Variants in ITPR2 observed in about 807,000 individuals in gnomAD.
ITPR2 encodes the protein inositol 1,4,5-trisphosphate-gated calcium channel ITPR2.
A neutral mutation model predicts 317.1 loss-of-function variants in ITPR2; 207 were observed. The ratio of observed to expected loss-of-function variants is 0.65; its 90% confidence interval spans 0.58 to 0.73. ITPR2 has a LOEUF of 0.73. Ranked by LOEUF, ITPR2 falls within the 30% of genes least tolerant of loss-of-function variation. The pLI is 0.00. For missense variants in ITPR2, 2,613 were observed against 3,284.0 expected (o/e 0.80, Z 4.99); for synonymous variants, 1,156 against 1,149.1 (o/e 1.01, Z -0.12).
chr12:26,359,044 T>C (rs1938734447), intron 55 of ITPR2, among the ~76,000 whole-genome samples: 1 of 152,250 alleles, frequency 6.6e-6, no homozygotes, highest in South Asian at 2.1e-4. Flanking sequence ...TTAGCTGACA[T>C]TGCCTACATC....
intron 48 of ITPR2, among the ~76,000 whole-genome samples, chr12:26,428,502 T>C (rs1941125145): frequency 2.0e-5 from 3 of 152,170 alleles, no homozygotes. Context: ...GTCCTATCAG[T>C]ATCAAGTTTC....
intron 51 of ITPR2, among the ~76,000 whole-genome samples, chr12:26,414,226 G>C (rs1940650241): frequency 6.6e-6 from 1 of 152,100 alleles, no homozygotes; most frequent in Admixed American, 6.6e-5. Context: ...ATTCAGGACA[G>C]TCTCAAGTTT....
At chr12:26,784,272 CCT>C (rs1371979478) in intron 2 of ITPR2, among the ~76,000 whole-genome samples, 3 of 7,082 alleles carry the variant, frequency 4.2e-4, no homozygotes, top group East Asian at 4.8e-3. Flanking sequence ...TCTCCCTCTC[CCT>C]CTCCCTCTCC....
chr12:26,703,197 A>G (rs577587922), intron 9 of ITPR2, among the ~76,000 whole-genome samples: 1 of 152,346 alleles, frequency 6.6e-6, no homozygotes, highest in East Asian at 1.9e-4. Context: ...TGTGAGACTT[A>G]GCATGGTCAC....
intron 45 of ITPR2, among the ~76,000 whole-genome samples, chr12:26,455,344 TAAAAA>T (rs10687003): frequency 3.0e-5 from 2 of 66,358 alleles, no homozygotes; most frequent in African/African-American, 5.9e-5. Context: ...CAACAGCTGC[TAAAAA>T]AAAAAAAAAA....
At chr12:26,549,253 A>G (rs1048667777) in intron 37 of ITPR2, among the ~76,000 whole-genome samples, 3 of 152,220 alleles carry the variant, frequency 2.0e-5, no homozygotes, top group Non-Finnish European at 4.4e-5. Flanking sequence ...TTCCAAATAT[A>G]ATTTAAGTGA....
At chr12:26,520,203 C>T (rs1296846347) in intron 37 of ITPR2, among the ~76,000 whole-genome samples, 1 of 152,140 alleles carries the variant, frequency 6.6e-6, no homozygotes, top group Non-Finnish European at 1.5e-5. Context: ...CTCCAAACTC[C>T]CCCTTGTGAT....
chr12:26,390,283 A>G (rs1939792896), intron 54 of ITPR2, among the ~76,000 whole-genome samples: 1 of 152,218 alleles, frequency 6.6e-6, no homozygotes, highest in African/African-American at 2.4e-5. Flanking sequence ...AGAACTGAAA[A>G]TGTATGTTCA....
chr12:26,637,846 G>C (rs1946897418), intron 21 of ITPR2, among the ~76,000 whole-genome samples: 2 of 152,126 alleles, frequency 1.3e-5, no homozygotes, highest in Non-Finnish European at 2.9e-5. Flanking sequence ...CTTCAGAAGA[G>C]TGTTTAATAA....
chr12:26,391,555 C>CTTTT (rs1491173931), intron 54 of ITPR2, among the ~76,000 whole-genome samples: 1,082 of 70,800 alleles, frequency 0.015, 201 homozygotes, highest in Non-Finnish European at 0.016. Context: ...TTCTTCTTTT[C>CTTTT]CTTTTTTTTT....
At chr12:26,367,958 T>C (rs1378058317) in intron 55 of ITPR2, among the ~76,000 whole-genome samples, 1 of 152,222 alleles carries the variant, frequency 6.6e-6, no homozygotes, top group Non-Finnish European at 1.5e-5. Context: ...ACATTTTCTT[T>C]GTGATTTTCC....
At chr12:26,416,642 G>C (rs141550946) in intron 50 of ITPR2, among the ~76,000 whole-genome samples, 3 of 152,072 alleles carry the variant, frequency 2.0e-5, no homozygotes, top group African/African-American at 7.2e-5. Context: ...GCTATTTTAC[G>C]ATGGTTAAAT....
In ITPR2 at chr12:26,512,184, T is replaced by TAA. The variant is rs55699727; in HGVS notation, c.5074-16926_5074-16925dup. Reference sequence around the variant, plus strand: ...TTCCTAAATAAGATAGCTACAAAGATAAAAAAAAAAAAAAAAAAAGCTGCA... The same window carrying TAA: ...TTCCTAAATAAGATAGCTACAAAGATAAAAAAAAAAAAAAAAAAAAAGCTGCA... On this transcript the variant is annotated intron_variant, in intron 37 of 56. Transcript: ENST00000381340. Among the ~76,000 whole-genome samples, 942 of 136,216 alleles carry TAA rather than the reference T, an allele frequency of 6.9e-3. 15 individuals carry two copies. Among genetic ancestry groups the TAA allele is most frequent in the East Asian group, 0.05 (225 of 4,512 alleles). 89.4% of individuals were successfully genotyped at this position (136,216 alleles called of 152,430 possible).
chr12:26,523,150 T>C (rs73087209), intron 37 of ITPR2, among the ~76,000 whole-genome samples: 5,770 of 152,294 alleles, frequency 0.038, 171 homozygotes, highest in Non-Finnish European at 0.057. Context: ...AGTATGATAA[T>C]AATCCTCAAC....
rs908078084 is a variant in ITPR2, at chr12:26,831,819, T to C, written c.92+871A>G. 2.1e-5 allele frequency among the ~76,000 whole-genome samples: 3 copies of C among 141,752 alleles called. No homozygotes were observed. Among genetic ancestry groups the C allele is most frequent in the African/African-American group, 8.1e-5 (3 of 36,856 alleles). 93.0% of individuals were successfully genotyped at this position (141,752 alleles called of 152,430 possible). Reference sequence around the variant, plus strand: ...ATATTATACATAAAATATATAAATATATATTATACATAAAATATATAAATA... The same window carrying C: ...ATATTATACATAAAATATATAAATACATATTATACATAAAATATATAAATA... On this transcript the variant is annotated intron_variant, in intron 1 of 56. Transcript: ENST00000381340. This position sits in a 1 kb window ranked among gnomAD's most constrained non-coding sequence, Gnocchi z 4.9.
intron 13 of ITPR2, among the ~76,000 whole-genome samples, chr12:26,668,605 G>A (rs1055054023): frequency 6.6e-6 from 1 of 152,186 alleles, no homozygotes; most frequent in Non-Finnish European, 1.5e-5. Flanking sequence ...AAGCACATAA[G>A]GAAAGCTGAC....
At chr12:26,426,875 T>A (rs1941077137) in intron 49 of ITPR2, among the ~76,000 whole-genome samples, 1 of 150,620 alleles carries the variant, frequency 6.6e-6, no homozygotes, top group Non-Finnish European at 1.5e-5. Flanking sequence ...TAAATATTAG[T>A]TATTATTAAA....
intron 4 of ITPR2, among the ~76,000 whole-genome samples, chr12:26,723,768 A>G (rs1179584743): frequency 2.6e-5 from 4 of 152,200 alleles, no homozygotes; most frequent in African/African-American, 9.7e-5. Flanking sequence ...GGAAGCTGTC[A>G]AGGCTATTGT....
At chr12:26,808,912 G>A (rs542700463) in intron 1 of ITPR2, among the ~76,000 whole-genome samples, 1 of 152,252 alleles carries the variant, frequency 6.6e-6, no homozygotes, top group East Asian at 1.9e-4. Context: ...TACGTTATGA[G>A]GTTAACTCCT....
Sources: allele counts gnomAD v4.1 joint callset (sites outside exome capture counted in the v4.1 genomes callset), GRCh38; gene constraint gnomAD v4.1.1; non-coding constraint Gnocchi (gnomAD v3.1); transcripts MANE v1.5; gene names NCBI Gene and HGNC (gene_info 2026-07-23, HGNC 2026-07-21).